Variants in PRKCQ observed in about 807,000 individuals in gnomAD.
PRKCQ encodes protein kinase C theta, also known as protein kinase C theta type.
Under a neutral mutation model 91.2 loss-of-function variants are expected in PRKCQ, and 41 were observed. The observed-to-expected ratio is 0.45, with a 90% CI of 0.35 to 0.58. PRKCQ has a LOEUF of 0.58. PRKCQ is among the 20% of genes least tolerant of loss of function. The pLI is 0.00. For missense variants in PRKCQ, 673 were observed against 896.5 expected (o/e 0.75, Z 3.18); for synonymous variants, 307 against 316.9 (o/e 0.97, Z 0.33).
intron 1 of PRKCQ, among the ~76,000 whole-genome samples, chr10:6,538,110 T>A (rs918090810): frequency 6.6e-6 from 1 of 152,258 alleles, no homozygotes; most frequent in Admixed American, 6.5e-5. Context: ...ATGTGCCTTC[T>A]GTTCCAGCTG....
chr10:6,444,621 T>C (rs1287727954), intron 15 of PRKCQ, among the ~76,000 whole-genome samples: 1 of 152,068 alleles, frequency 6.6e-6, no homozygotes, highest in African/African-American at 2.4e-5. Flanking sequence ...AGCAAGACAG[T>C]CAGACTCTCT....
intron 1 of PRKCQ, among the ~76,000 whole-genome samples, chr10:6,568,638 C>T (rs914314561): frequency 6.6e-6 from 1 of 151,890 alleles, no homozygotes; most frequent in African/African-American, 2.4e-5. Flanking sequence ...GTTGGGACTA[C>T]AGGCACACAC....
chr10:6,487,082 C>T (rs962220215), intron 8 of PRKCQ, among the ~76,000 whole-genome samples: 5 of 152,162 alleles, frequency 3.3e-5, no homozygotes, highest in East Asian at 3.9e-4. Flanking sequence ...CAACAGCAAC[C>T]GGGTGTTTGA....
At chr10:6,550,091 AT>A (rs1840124677) in intron 1 of PRKCQ, among the ~76,000 whole-genome samples, 2 of 152,220 alleles carry the variant, frequency 1.3e-5, no homozygotes, top group Admixed American at 1.3e-4. Flanking sequence ...AAGCCCTGCA[AT>A]CTCCGTTCTA....
chr10:6,566,900 A>C (rs1840856994), intron 1 of PRKCQ, among the ~76,000 whole-genome samples: 1 of 152,100 alleles, frequency 6.6e-6, no homozygotes, highest in African/African-American at 2.4e-5. Flanking sequence ...GGCTCTCAAT[A>C]TTAATGATTA....
intron 14 of PRKCQ, among the ~76,000 whole-genome samples, chr10:6,461,149 CCATT>C (rs1268454795): frequency 3.3e-5 from 5 of 151,786 alleles, no homozygotes; most frequent in African/African-American, 1.2e-4. Context: ...ATTCATCCAT[CCATT>C]CAACCATCTG....
At chr10:6,459,031 C>T (rs941398333) in intron 14 of PRKCQ, among the ~76,000 whole-genome samples, 1 of 152,130 alleles carries the variant, frequency 6.6e-6, no homozygotes, top group African/African-American at 2.4e-5. Context: ...TGCTTTTCAT[C>T]GACCAACAGC....
At chr10:6,474,439 G>A (rs565373159) in intron 12 of PRKCQ, among the ~76,000 whole-genome samples, 42 of 152,318 alleles carry the variant, frequency 2.8e-4, no homozygotes, top group African/African-American at 9.6e-4. Context: ...ACAGAGGAAG[G>A]TAGACTTTAG....
intron 12 of PRKCQ, among the ~76,000 whole-genome samples, chr10:6,476,379 C>T (rs1836269223): frequency 6.7e-6 from 1 of 150,214 alleles, no homozygotes; most frequent in South Asian, 2.1e-4. Context: ...GCCCAGAAGC[C>T]CAGTCTAAAA....
the PRKCQ span, among the ~76,000 whole-genome samples, chr10:6,408,489 G>C: frequency 6.6e-6 from 1 of 152,226 alleles, no homozygotes; most frequent in South Asian, 2.1e-4. Context: ...CAAGTAGCTG[G>C]GATTACAGGC....
intron 16 of PRKCQ, among the ~76,000 whole-genome samples, chr10:6,437,633 C>G (rs1833765031): frequency 6.6e-6 from 1 of 151,830 alleles, no homozygotes; most frequent in African/African-American, 2.4e-5. Context: ...TATCCAGATC[C>G]CACTAACTTA....
intron 1 of PRKCQ, among the ~76,000 whole-genome samples, chr10:6,516,990 C>T (rs1838789252): frequency 6.6e-6 from 1 of 152,180 alleles, no homozygotes; most frequent in South Asian, 2.1e-4. Context: ...TTCACTTGCA[C>T]TATTCTGTAA....
intron 1 of PRKCQ, among the ~76,000 whole-genome samples, chr10:6,567,658 T>C (rs1394747991): frequency 2.6e-5 from 4 of 152,238 alleles, no homozygotes; most frequent in Non-Finnish European, 5.9e-5. Context: ...GGTTTAGCTG[T>C]TGTTAGAAAC....
rs1012596702 is a variant in PRKCQ, at chr10:6,486,217, A to G, written c.791-73T>C. The G allele has an allele frequency of 2.4e-5, 30 of 1,261,214 alleles. No homozygotes were observed. In the Admixed American group the frequency reaches 4.4e-4, roughly 19 times the overall value. 78.1% of individuals were successfully genotyped at this position (1,261,214 alleles called of 1,614,324 possible). ...GTGCTAAACAACTCTCTCTGGAGGT[A>G]AGACAGAGCCTTGCGGATAGGGAGG... On this transcript the variant is annotated intron_variant, in intron 8 of 17. Coordinates refer to ENST00000263125, the MANE Select transcript of PRKCQ (RefSeq NM_006257.5).
chr10:6,455,635 T>C (rs1249623553), intron 15 of PRKCQ, among the ~76,000 whole-genome samples: 2 of 152,214 alleles, frequency 1.3e-5, no homozygotes, highest in Admixed American at 6.5e-5. Flanking sequence ...CACCTTAATA[T>C]GCCAACACCT....
chr10:6,447,406 C>CA (rs151312430), intron 15 of PRKCQ, among the ~76,000 whole-genome samples: 39,033 of 119,440 alleles, frequency 0.33, 6,187 homozygotes, highest in East Asian at 0.47. Flanking sequence ...GACTCCACCT[C>CA]AAAAAAAAAA....
intron 1 of PRKCQ, among the ~76,000 whole-genome samples, chr10:6,575,772 T>C (rs1841206421): frequency 6.6e-6 from 1 of 152,208 alleles, no homozygotes; most frequent in Non-Finnish European, 1.5e-5. Context: ...CCAGGTGCGG[T>C]GGCTCACGCC....
intron 12 of PRKCQ, among the ~76,000 whole-genome samples, 194 bp from the exon 13 acceptor site, chr10:6,464,598 C>T (rs1346543386): frequency 6.6e-6 from 1 of 152,150 alleles, no homozygotes; most frequent in Non-Finnish European, 1.5e-5. Context: ...CAGGCATGCA[C>T]CACCAGGCCC....
chr10:6,487,161 T>C (rs942645678), intron 8 of PRKCQ, among the ~76,000 whole-genome samples: 48 of 151,930 alleles, frequency 3.2e-4, no homozygotes, highest in African/African-American at 1.0e-3. Flanking sequence ...ATGGGAAGGG[T>C]AGAGGGCCCC....
Sources: allele counts gnomAD v4.1 joint callset (sites outside exome capture counted in the v4.1 genomes callset), GRCh38; gene constraint gnomAD v4.1.1; transcripts MANE v1.5; gene names NCBI Gene and HGNC (gene_info 2026-07-23, HGNC 2026-07-21).